The following CDH12 variants were observed in gnomAD, a reference collection of about 807,000 sequenced individuals.
CDH12 encodes cadherin 12, also known as cadherin-12.
CDH12 carries 41 observed loss-of-function variants against 74.1 expected under a neutral mutation model. That is an observed-to-expected ratio of 0.55 (90% CI 0.43 to 0.72). The LOEUF is 0.72. CDH12 is among the 30% of genes least tolerant of loss of function. The pLI is 0.00. For synonymous variants in CDH12, 399 were observed against 355.0 expected, an observed-to-expected ratio of 1.12 and a Z score of -1.39; for missense variants, 945 against 977.2, an observed-to-expected ratio of 0.97 and a Z score of 0.44.
chr5:22,841,452 A>C (rs1737078296), intron 1 of CDH12, among the ~76,000 whole-genome samples: 2 of 152,162 alleles, frequency 1.3e-5, no homozygotes, highest in Admixed American at 6.5e-5. Context: ...TGTCTATTAG[A>C]TATCCAAGTA....
At chr5:22,479,899 C>T (rs1488187129) in intron 2 of CDH12, among the ~76,000 whole-genome samples, 2 of 152,158 alleles carry the variant, frequency 1.3e-5, no homozygotes, top group African/African-American at 2.4e-5. Context: ...ATTAAATTCT[C>T]AGTCTACTGT....
chr5:22,034,287 G>A (rs1015657584), intron 5 of CDH12, among the ~76,000 whole-genome samples: 2 of 152,122 alleles, frequency 1.3e-5, no homozygotes, highest in African/African-American at 4.8e-5. Flanking sequence ...TGCCCACCTC[G>A]GCCTCCCAGC....
In CDH12 at chr5:22,802,485, A is replaced by G. The variant is rs147558185; in HGVS notation, c.-523+50573T>C. ...TCAAATTGCTTTATAGTAATAAATA[A>G]TTAGACTTCTGTTTGTTGGGTCAAG... On this transcript the variant is annotated intron_variant, in intron 1 of 14. Coordinates refer to ENST00000382254, the MANE Select transcript of CDH12 (RefSeq NM_004061.5). Among the ~76,000 whole-genome samples, 567 of 152,252 alleles carry G rather than the reference A, an allele frequency of 3.7e-3. 6 individuals are homozygous for G. Among genetic ancestry groups the G allele is most frequent in the African/African-American group, 0.013 (526 of 41,558 alleles).
At chr5:22,421,530 T>G (rs1185101396) in intron 2 of CDH12, among the ~76,000 whole-genome samples, 2 of 152,228 alleles carry the variant, frequency 1.3e-5, no homozygotes, top group African/African-American at 2.4e-5. Context: ...TCCTTTTTTA[T>G]GGCTGCATAG....
intron 3 of CDH12, among the ~76,000 whole-genome samples, chr5:22,228,959 C>A (rs182066519): frequency 1.3e-5 from 2 of 152,096 alleles, no homozygotes; most frequent in East Asian, 1.9e-4. Context: ...TACATCTCCT[C>A]GGAAGGTGTT....
At chr5:22,560,977 G>A (rs972904344) in intron 1 of CDH12, among the ~76,000 whole-genome samples, 9 of 152,126 alleles carry the variant, frequency 5.9e-5, no homozygotes, top group Non-Finnish European at 1.0e-4. Flanking sequence ...AGACAAAAAA[G>A]GTGGTAACAC....
Position 22,552,294 on chromosome 5 carries a change from C to T in CDH12, c.-522-46930G>A, listed in dbSNP as rs6897138. ...TTTTTAAAACAAAACAAAACAAAAA[C>T]GAAAACAAACAAACATATCATCATG... On this transcript the variant is annotated intron_variant, in intron 1 of 14. Coordinates refer to ENST00000382254, the MANE Select transcript of CDH12 (RefSeq NM_004061.5). Among the ~76,000 whole-genome samples, 1,486 of 152,058 alleles carry T rather than the reference C, an allele frequency of 9.8e-3. 11 individuals are homozygous for T. Among genetic ancestry groups the T allele is most frequent in the Non-Finnish European group, 0.012 (849 of 67,958 alleles).
At chr5:22,368,196 A>T (rs910289634) in intron 3 of CDH12, among the ~76,000 whole-genome samples, 7 of 152,122 alleles carry the variant, frequency 4.6e-5, no homozygotes, top group African/African-American at 1.4e-4. Flanking sequence ...TTTAAATTTA[A>T]TTTTTTTCAG....
chr5:21,761,422 A>G (rs1310334264), intron 12 of CDH12, among the ~76,000 whole-genome samples: 1 of 152,174 alleles, frequency 6.6e-6, no homozygotes, highest in Non-Finnish European at 1.5e-5. Context: ...GCATTTATTT[A>G]TTAACATATC....
intron 2 of CDH12, among the ~76,000 whole-genome samples, chr5:22,405,574 T>A (rs1209837708): frequency 6.6e-6 from 1 of 152,092 alleles, no homozygotes; most frequent in Middle Eastern, 3.2e-3. Context: ...CACATCCTAA[T>A]CAGCATTGCC....
At chr5:21,814,142 A>AGTGTGTGTGTGT (rs59666017) in intron 9 of CDH12, among the ~76,000 whole-genome samples, 20 of 145,602 alleles carry the variant, frequency 1.4e-4, no homozygotes, top group South Asian at 6.8e-4. Context: ...AGGAGAAATG[A>AGTGTGTGTGTGT]GTGTGTGTGT....
chr5:21,860,928 A>C (rs1051245789), intron 6 of CDH12, among the ~76,000 whole-genome samples: 2 of 150,990 alleles, frequency 1.3e-5, no homozygotes, highest in Non-Finnish European at 3.0e-5. Flanking sequence ...TCCTTAATAA[A>C]CCCCCCTTCA....
intron 3 of CDH12, among the ~76,000 whole-genome samples, chr5:22,342,797 T>C (rs111228736): frequency 7.0e-5 from 8 of 114,908 alleles, no homozygotes; most frequent in South Asian, 3.1e-4. Context: ...CTCCCTCCCT[T>C]CTTTCTCTTT....
rs143292880 is a variant in CDH12 at position 22,053,055 on chromosome 5, G to A, written c.231+25391C>T. 2.9e-3 allele frequency among the ~76,000 whole-genome samples: 440 copies of A among 151,066 alleles called. 3 individuals are homozygous for A. Among genetic ancestry groups the A allele is most frequent in the African/African-American group, 0.01 (430 of 41,102 alleles). ...TTTTTTTAAATTTAAGAATACTGAG[G>A]GTCTCTCGTTTTTTTTGTTTTTTTT... On this transcript the variant is annotated intron_variant, in intron 5 of 14. Coordinates refer to ENST00000382254, the MANE Select transcript of CDH12 (RefSeq NM_004061.5).
rs574945000 is a variant in CDH12, at chr5:21,835,738, A to G, written c.814+6423T>C. On this transcript the variant is annotated intron_variant, in intron 8 of 14. Transcript: ENST00000382254. ...ACATATTTTAAAAAACATTTCTTTA[A>G]AAAAAAGACCTATGGTAGATTTCAA... Among the ~76,000 whole-genome samples, 20 of 151,848 alleles carry G rather than the reference A, an allele frequency of 1.3e-4. 1 individual carries two copies. In the South Asian group the frequency reaches 3.9e-3, roughly 30 times the overall value.
At chr5:22,119,287 T>C (rs1382159139) in intron 4 of CDH12, among the ~76,000 whole-genome samples, 1 of 34,158 alleles carries the variant, frequency 2.9e-5, no homozygotes, top group South Asian at 7.8e-4. Context: ...TCTACTTCGT[T>C]TTTTTTTTTT....
chr5:22,316,499 A>G (rs1349376964), intron 3 of CDH12, among the ~76,000 whole-genome samples: 23 of 152,120 alleles, frequency 1.5e-4, no homozygotes, highest in Admixed American at 1.5e-3. Flanking sequence ...CCTTGCATTC[A>G]CAGAGAATTT....
At chr5:22,690,251 C>CT (rs1742013469) in intron 1 of CDH12, among the ~76,000 whole-genome samples, 1 of 152,052 alleles carries the variant, frequency 6.6e-6, no homozygotes, top group Admixed American at 6.6e-5. Flanking sequence ...AGTGAATCTT[C>CT]TAAATTAAAT....
chr5:22,333,315 G>T (rs1580533430), intron 3 of CDH12, among the ~76,000 whole-genome samples: 1 of 151,958 alleles, frequency 6.6e-6, no homozygotes, highest in Non-Finnish European at 1.5e-5. Flanking sequence ...GGGCCTCTCG[G>T]GGGGTAGGGG....
Sources: gnomAD v4.1 joint callset for allele counts (sites outside exome capture counted in the v4.1 genomes callset) on GRCh38, gnomAD v4.1.1 for gene constraint, MANE v1.5 for transcripts, NCBI Gene and HGNC (gene_info 2026-07-23, HGNC 2026-07-21) for gene names.